TRMT11: variants seen among roughly 807,000 people sequenced by gnomAD.
TRMT11 encodes the protein tRNA (guanine(10)-N(2))-methyltransferase TRMT11.
TRMT11 carries 53 observed loss-of-function variants against 62.8 expected under a neutral mutation model. That is an observed-to-expected ratio of 0.84 (90% CI 0.68 to 1.06). The LOEUF is 1.06. Ranked by LOEUF, TRMT11 falls within the 50% of genes least tolerant of loss-of-function variation. The pLI, the probability that TRMT11 is intolerant of heterozygous loss-of-function variation, is 0.00. For missense variants in TRMT11, 556 were observed against 553.4 expected (o/e 1.00, Z -0.05); for synonymous variants, 188 against 190.3 (o/e 0.99, Z 0.10).
At chr6:126,067,328 A>G (rs1776723116) in intron 17 of TRMT11, among the ~76,000 whole-genome samples, 1 of 152,366 alleles carries the variant, frequency 6.6e-6, no homozygotes, top group Non-Finnish European at 1.5e-5. Context: ...GTATTGCCAA[A>G]GTGCTACTTC....
chr6:126,069,581 A>G (rs1352476482), intron 17 of TRMT11, among the ~76,000 whole-genome samples: 1 of 152,208 alleles, frequency 6.6e-6, no homozygotes, highest in Non-Finnish European at 1.5e-5. Flanking sequence ...CGAGCCATGC[A>G]CTTGGAAACA....
intron 21 of TRMT11, among the ~76,000 whole-genome samples, chr6:126,118,583 A>G (rs567860989): frequency 6.5e-4 from 99 of 152,204 alleles, no homozygotes; most frequent in African/African-American, 2.4e-3. Flanking sequence ...TCCTAGGGAG[A>G]TGGAAGAATT....
At chr6:126,127,940 C>T (rs1016699901) in intron 21 of TRMT11, among the ~76,000 whole-genome samples, 2 of 151,982 alleles carry the variant, frequency 1.3e-5, no homozygotes, top group Non-Finnish European at 2.9e-5. Context: ...TGGGATTCTA[C>T]AGTGTTTAAA....
chr6:126,140,540 T>G (rs547697133), intron 21 of TRMT11, among the ~76,000 whole-genome samples: 1 of 152,236 alleles, frequency 6.6e-6, no homozygotes, highest in East Asian at 1.9e-4. Flanking sequence ...CTTAATGTAT[T>G]CAGTGGTTAC....
intron 21 of TRMT11, among the ~76,000 whole-genome samples, chr6:126,152,827 T>C (rs1366629965): frequency 6.6e-6 from 1 of 152,208 alleles, no homozygotes; most frequent in Non-Finnish European, 1.5e-5. Context: ...CTGTGCTTGC[T>C]GTCCTTCCTC....
chr6:126,189,443 T>A (rs561429179), intron 1 of TRMT11, among the ~76,000 whole-genome samples: 1 of 152,280 alleles, frequency 6.6e-6, no homozygotes, highest in East Asian at 1.9e-4. Flanking sequence ...TTTGCCAATT[T>A]TATAGGCAAA....
chr6:126,132,290 G>T (rs542129946), intron 21 of TRMT11, among the ~76,000 whole-genome samples: 1 of 152,062 alleles, frequency 6.6e-6, no homozygotes, highest in African/African-American at 2.4e-5. Flanking sequence ...TCAAGGACCT[G>T]TCACTCTGTG....
upstream of TRMT11, among the ~76,000 whole-genome samples, chr6:126,175,246 C>A (rs147664203): frequency 6.6e-6 from 1 of 152,142 alleles, no homozygotes; most frequent in Non-Finnish European, 1.5e-5. Context: ...AGAATTAAAC[C>A]TGCTATAGCT....
the TRMT11 span, among the ~76,000 whole-genome samples, chr6:126,248,020 A>G: frequency 2.6e-5 from 4 of 152,224 alleles, no homozygotes; most frequent in East Asian, 1.9e-4. Context: ...TGAGAATTCA[A>G]CTTCTTATAA....
At chr6:125,998,361 C>A in intron 5 of TRMT11, 46 bp downstream of exon 5, 1 of 1,374,798 alleles carries the variant, frequency 7.3e-7, no homozygotes, top group Non-Finnish European at 1.0e-6. Context: ...TGAATGCAGT[C>A]TGGCCATTGT....
chr6:126,229,806 C>G, the TRMT11 span, among the ~76,000 whole-genome samples: 2 of 152,092 alleles, frequency 1.3e-5, no homozygotes, highest in South Asian at 4.1e-4. Context: ...AACCTTCAAT[C>G]CTTTCATGAT....
At chr6:126,041,978 G>C (rs556191754), downstream of TRMT11, among the ~76,000 whole-genome samples, 6 of 152,178 alleles carry the variant, frequency 3.9e-5, no homozygotes, top group African/African-American at 1.4e-4. Flanking sequence ...ATTTTTCTCA[G>C]ATATTTATCA....
At chr6:126,106,591 G>A (rs141106607) in intron 17 of TRMT11, among the ~76,000 whole-genome samples, 148 of 152,294 alleles carry the variant, frequency 9.7e-4, no homozygotes, top group Non-Finnish European at 1.6e-3. Flanking sequence ...TCTGGAGAGA[G>A]ACTTGGGTTT....
At chr6:126,178,380 G>A (rs1778414986) in intron 1 of TRMT11, among the ~76,000 whole-genome samples, 1 of 152,190 alleles carries the variant, frequency 6.6e-6, no homozygotes, top group South Asian at 2.1e-4. Flanking sequence ...TCATGGGACT[G>A]GCCTTGCAGC....
chr6:126,110,742 T>C (rs1248998370), intron 17 of TRMT11, among the ~76,000 whole-genome samples: 1 of 152,112 alleles, frequency 6.6e-6, no homozygotes, highest in Non-Finnish European at 1.5e-5. Context: ...CAAAGCTTTG[T>C]AGAGTTCATG....
chr6:126,215,626 G>T, the TRMT11 span, among the ~76,000 whole-genome samples: 11 of 151,820 alleles, frequency 7.2e-5, no homozygotes, highest in Non-Finnish European at 1.5e-4. Context: ...CTGATTCCTG[G>T]TTTTTTATCC....
chr6:126,035,702 G>C (rs756836465), intron 12 of TRMT11, among the ~76,000 whole-genome samples: 3 of 152,158 alleles, frequency 2.0e-5, no homozygotes, highest in Admixed American at 1.3e-4. Flanking sequence ...TTACAGAAAA[G>C]AATGTCTTAA....
chr6:126,003,296 A>G (rs944485527), intron 7 of TRMT11, among the ~76,000 whole-genome samples: 2 of 152,106 alleles, frequency 1.3e-5, no homozygotes, highest in African/African-American at 2.4e-5. Context: ...CTCACCAGCT[A>G]TCATTAGTGT....
chr6:126,139,130 A>G (rs1644657631), intron 21 of TRMT11, among the ~76,000 whole-genome samples: 1 of 152,042 alleles, frequency 6.6e-6, no homozygotes, highest in South Asian at 2.1e-4. Context: ...AAATAATATG[A>G]AGTTATCCAA....
Sources: allele counts gnomAD v4.1 joint callset (sites outside exome capture counted in the v4.1 genomes callset), GRCh38; gene constraint gnomAD v4.1.1; transcripts MANE v1.5; gene names NCBI Gene and HGNC (gene_info 2026-07-23, HGNC 2026-07-21).